Variants in EPB41 observed in about 807,000 individuals in gnomAD.
The protein encoded by EPB41 is protein 4.1.
Under a neutral mutation model 108.0 loss-of-function variants are expected in EPB41, and 65 were observed. The observed-to-expected ratio is 0.60, with a 90% CI of 0.49 to 0.74. The LOEUF (loss-of-function observed/expected upper bound fraction) is 0.74. Among genes scored for constraint, EPB41 ranks in the 30% least tolerant of loss-of-function variants. The pLI, the probability that EPB41 is intolerant of heterozygous loss-of-function variation, is 0.00. For synonymous variants in EPB41, 336 were observed against 358.9 expected (o/e 0.94, Z 0.72); for missense variants, 875 against 1,037.0 (o/e 0.84, Z 2.15).
intron 1 of EPB41, among the ~76,000 whole-genome samples, chr1:28,891,952 G>T (rs2090155673): frequency 6.6e-6 from 1 of 152,098 alleles, no homozygotes; most frequent in African/African-American, 2.4e-5. Context: ...AGCTGGGCAT[G>T]GTTGGTGGCA....
chr1:29,017,772 G>A lies in EPB41; in HGVS notation c.906-452G>A, dbSNP rs149234330. Among the ~76,000 whole-genome samples the A allele has an allele frequency of 4.6e-3, 704 of 152,206 alleles. 19 individuals are homozygous for A. Among genetic ancestry groups the A allele is most frequent in the East Asian group, 6.7e-3 (35 of 5,186 alleles). ...TTCATTACTACCTGACACCGAGCAC[G>A]CTAAGCTTCTGAGCTGCTTCCTCAT... On this transcript the variant is annotated intron_variant, in intron 6 of 20. Transcript: ENST00000343067.
At chr1:29,058,733 A>G in intron 13 of EPB41, 78 bp from the exon 14 acceptor site, 1 of 1,537,882 alleles carries the variant, frequency 6.5e-7, no homozygotes, top group Non-Finnish European at 8.8e-7. Flanking sequence ...TAAAAAAATT[A>G]TAAAATGAAG....
intron 11 of EPB41, among the ~76,000 whole-genome samples, chr1:29,045,857 T>A (rs1205750157): frequency 6.8e-6 from 1 of 147,878 alleles, no homozygotes; most frequent in African/African-American, 2.5e-5. Context: ...ACACCTGTGG[T>A]CCCAACTACA....
At chr1:29,053,495 T>A in intron 12 of EPB41, 183 bp downstream of exon 12, 1 of 703,138 alleles carries the variant, frequency 1.4e-6, no homozygotes, top group Non-Finnish European at 2.5e-6. Context: ...GTTATGTCAG[T>A]AAGACTGTAA....
intron 1 of EPB41, among the ~76,000 whole-genome samples, chr1:28,949,686 C>G (rs2094629777): frequency 6.6e-6 from 1 of 152,046 alleles, no homozygotes; most frequent in Non-Finnish European, 1.5e-5. Context: ...TCACCACAAT[C>G]TCCACCTCCT....
intron 16 of EPB41, among the ~76,000 whole-genome samples, chr1:29,075,156 CAAAAAAAAAA>C: frequency 1.0e-5 from 1 of 97,572 alleles, no homozygotes; most frequent in African/African-American, 4.2e-5. Flanking sequence ...GACTCCGTCT[CAAAAAAAAAA>C]AAAAAAAAAT....
At chr1:28,977,003 C>T (rs1415039978) in intron 1 of EPB41, among the ~76,000 whole-genome samples, 1 of 152,104 alleles carries the variant, frequency 6.6e-6, no homozygotes. Context: ...TAAGTGTGCA[C>T]CACCATGTGC....
chr1:29,109,294 C>A, intron 17 of EPB41, 42 bp from the exon 18 acceptor site: 2 of 1,499,038 alleles, frequency 1.3e-6, no homozygotes, highest in Non-Finnish European at 1.9e-6. Flanking sequence ...TTTGCCCAGT[C>A]TTCCTGAGAG....
At chr1:29,088,052 T>C (rs1305085079) in intron 16 of EPB41, among the ~76,000 whole-genome samples, 2 of 145,558 alleles carry the variant, frequency 1.4e-5, no homozygotes, top group Non-Finnish European at 3.0e-5. Context: ...TTTCTTTTTT[T>C]CTTTTTTTTT....
rs1000130058 is a variant in EPB41, at chr1:28,971,180, C to CTTTTTT, written c.-7-16233_-7-16228dup. On this transcript the variant is annotated intron_variant, in intron 1 of 20. Coordinates refer to ENST00000343067, the MANE Select transcript of EPB41 (RefSeq NM_001376013.1). ...ATCTTTTTTTTTTCTTTCTTTCTTT[C>CTTTTTT]TTTTTTTTTTTTTTTTTTTTTTTGG... is the stretch of plus-strand genomic sequence containing the variant. Among the ~76,000 whole-genome samples, 76 of 66,312 alleles carry CTTTTTT rather than the reference C, an allele frequency of 1.1e-3. 1 individual carries two copies. Among genetic ancestry groups the CTTTTTT allele is most frequent in the East Asian group, 2.6e-3 (5 of 1,930 alleles). The allele number at this position is 66,312 out of a possible 152,430, so 43.5% of individuals were successfully genotyped here. A position where few individuals can be genotyped will look rare whatever the true frequency, so the allele number is the denominator to read the frequency against.
chr1:29,075,175 A>AAAG (rs1653454554), intron 16 of EPB41, among the ~76,000 whole-genome samples: 2 of 145,062 alleles, frequency 1.4e-5, no homozygotes, highest in Non-Finnish European at 3.0e-5. Flanking sequence ...AAAAAAAAAA[A>AAAG]TCTTTTGTGA....
intron 11 of EPB41, among the ~76,000 whole-genome samples, chr1:29,050,402 A>G (rs1396127152): frequency 5.3e-5 from 8 of 152,280 alleles, no homozygotes; most frequent in Non-Finnish European, 8.8e-5. Context: ...TGGTGAAAGC[A>G]TGGGCTAAGT....
At chr1:28,915,139 C>A (rs1302970450) in intron 1 of EPB41, among the ~76,000 whole-genome samples, 1 of 152,172 alleles carries the variant, frequency 6.6e-6, no homozygotes, top group African/African-American at 2.4e-5. Flanking sequence ...AGGTTTCAGA[C>A]GGTGAAGGTG....
chr1:28,925,509 A>G (rs1223991148), intron 1 of EPB41, among the ~76,000 whole-genome samples: 2 of 152,170 alleles, frequency 1.3e-5, no homozygotes, highest in African/African-American at 4.8e-5. Flanking sequence ...GGAAAGTAGA[A>G]TGGGAGACAG....
At chr1:29,081,835 CAAAAAA>C (rs34188995) in intron 16 of EPB41, among the ~76,000 whole-genome samples, 1 of 126,376 alleles carries the variant, frequency 7.9e-6, no homozygotes, top group Non-Finnish European at 1.6e-5. Flanking sequence ...AACTCTGTCT[CAAAAAA>C]AAAAAAAAAA....
At chr1:28,948,071 A>G (rs1276647170) in intron 1 of EPB41, among the ~76,000 whole-genome samples, 1 of 152,006 alleles carries the variant, frequency 6.6e-6, no homozygotes, top group Non-Finnish European at 1.5e-5. Context: ...TACTATTTAT[A>G]CTGTAGAAGT....
intron 5 of EPB41, 97 bp from the exon 6 acceptor site, chr1:29,015,585 AAAAAAGAAAG>A (rs1410779347): frequency 1.2e-6 from 1 of 817,438 alleles, no homozygotes; most frequent in Non-Finnish European, 2.0e-6. Flanking sequence ...AAAGAAAAAA[AAAAAAGAAAG>A]AAAAAGAAAA....
rs567821678 is a variant in EPB41, at chr1:29,039,409, C to T, written c.1619C>T (p.Ser540Phe). The T allele has an allele frequency of 6.2e-7, 1 of 1,613,996 alleles. No homozygotes were observed. Among genetic ancestry groups the T allele is most frequent in the Admixed American group, 1.7e-5 (1 of 60,008 alleles). Residue 540 changes from serine to phenylalanine, a missense_variant, in exon 11 of 21, where the codon TCC (serine) becomes TTC (phenylalanine). By Grantham distance (155) the Ser-to-Phe change is radical (BLOSUM62 -2). Coordinates refer to ENST00000343067, the MANE Select transcript of EPB41 (RefSeq NM_001376013.1). ...HFERTASKRA[S>F]RSLDGAAAVD... ...GAGCGTACAGCAAGTAAACGGGCGT[C>T]CCGGAGCCTCGATGGAGGTTTGTAT...
At chr1:29,046,135 T>A (rs1324957336) in intron 11 of EPB41, among the ~76,000 whole-genome samples, 2 of 151,866 alleles carry the variant, frequency 1.3e-5, no homozygotes, top group Non-Finnish European at 1.5e-5. Flanking sequence ...TAATTTTATT[T>A]TTTTTTTGAG....
Sources: gnomAD v4.1 joint callset for allele counts (sites outside exome capture counted in the v4.1 genomes callset) on GRCh38, gnomAD v4.1.1 for gene constraint, MANE v1.5 for transcripts, NCBI Gene and HGNC (gene_info 2026-07-23, HGNC 2026-07-21) for gene names.